Variants in BAG5 observed in about 807,000 individuals in gnomAD.
BAG5 encodes BAG family molecular chaperone regulator 5.
Under a neutral mutation model 31.8 loss-of-function variants are expected in BAG5, and 25 were observed. That is an observed-to-expected ratio of 0.79 (90% confidence interval 0.57 to 1.10). BAG5 has a LOEUF of 1.10. Among genes scored for constraint, BAG5 ranks in the 50% least tolerant of loss-of-function variants. BAG5 has a pLI of 0.00. For synonymous variants in BAG5, 208 were observed against 205.0 expected (o/e 1.01, Z -0.13); for missense variants, 491 against 527.9 (o/e 0.93, Z 0.68).
At chr14:103,561,973 G>A (rs1162754899) in intron 1 of BAG5, 5 of 1,613,860 alleles carry the variant, frequency 3.1e-6, no homozygotes, top group East Asian at 4.5e-5. Context: ...TCTATCAAAC[G>A]GCTCGCTCAA....
intron 1 of BAG5, 47 bp from the exon 2 acceptor site, chr14:103,561,239 C>A: frequency 6.6e-7 from 1 of 1,509,212 alleles, no homozygotes; most frequent in South Asian, 1.3e-5. Context: ...AAGGCTTCTG[C>A]AGAACACTAA....
In BAG5 at chr14:103,557,777, G is replaced by A. The variant is rs1437058212; in HGVS notation, c.*2044C>T. ...TGGGGGGCCGAGGCGGGCGGATCACGAGGTCAGGAGTTCGAGACCAGCCTG... is the reference window on the plus strand; with the variant it reads ...TGGGGGGCCGAGGCGGGCGGATCACAAGGTCAGGAGTTCGAGACCAGCCTG... On this transcript the variant is annotated 3_prime_UTR_variant, in exon 2 of 2. Coordinates refer to ENST00000299204, the MANE Select transcript of BAG5 (RefSeq NM_001015048.3). 2 of 152,198 alleles carry A rather than the reference G, an allele frequency of 1.3e-5. No individual in the cohort carries two copies. Among genetic ancestry groups the A allele is most frequent in the Admixed American group, 6.5e-5 (1 of 15,286 alleles). 9.4% of individuals were successfully genotyped at this position (152,198 alleles called of 1,614,324 possible).
intron 1 of BAG5, among the ~76,000 whole-genome samples, chr14:103,561,540 C>T (rs1020365178): frequency 2.6e-4 from 39 of 152,134 alleles, no homozygotes; most frequent in Non-Finnish European, 4.7e-4. Context: ...CTCTTGTAAC[C>T]TTCCGAACAC....
At chr14:103,561,872 C>A in intron 1 of BAG5, 1 of 1,486,186 alleles carries the variant, frequency 6.7e-7, no homozygotes, top group Non-Finnish European at 9.3e-7. Context: ...AAAAAAACAA[C>A]CCGCGAAAAC....
At chr14:103,562,135 C>T in intron 1 of BAG5, 2 of 682,878 alleles carry the variant, frequency 2.9e-6, no homozygotes, top group Admixed American at 2.2e-5. Flanking sequence ...GTCTTGGCGT[C>T]CCGTGGCTGA....
At chr14:103,561,952 A>G in intron 1 of BAG5, 6 of 1,613,900 alleles carry the variant, frequency 3.7e-6, no homozygotes, top group South Asian at 1.1e-5. Flanking sequence ...GCACGTTTCA[A>G]GCTCTTGGTT....
intron 1 of BAG5, chr14:103,562,008 A>C (rs1595129591): frequency 1.2e-6 from 2 of 1,610,400 alleles, no homozygotes; most frequent in African/African-American, 1.3e-5. Context: ...GGAAACGCAT[A>C]ATCTATCCCC....
rs904172118 is a variant in BAG5, at chr14:103,557,129, T to C, written c.*2692A>G. 3.3e-5 allele frequency: 5 copies of C among 152,268 alleles called. No homozygotes were observed. The highest frequency in any genetic ancestry group is 5.9e-5 in the Non-Finnish European group (4 of 68,054). 9.4% of individuals were successfully genotyped at this position (152,268 alleles called of 1,614,324 possible). ...CATGAACATGGACTACAGCGTTTAA[T>C]GCAGACCCAAAGCCACACATTTTTG... On this transcript the variant is annotated 3_prime_UTR_variant, in exon 2 of 2. Coordinates refer to ENST00000299204, the MANE Select transcript of BAG5 (RefSeq NM_001015048.3).
rs1354946977 is a variant in BAG5, at chr14:103,560,516, A to G, written c.649T>C (p.Ser217Pro). 1.9e-6 allele frequency: 3 copies of G among 1,614,030 alleles called. No individual in the cohort carries two copies. The highest frequency in any genetic ancestry group is 1.7e-5 in the Admixed American group (1 of 60,002). ...GCGATCAGCCCCGAGAGCACACAGGATAAGTGCCTGCAGGTCTCATTGTTG... is the reference window on the plus strand; with the variant it reads ...GCGATCAGCCCCGAGAGCACACAGGGTAAGTGCCTGCAGGTCTCATTGTTG... Reference protein sequence around the residue: ...VNNNETCRHLSCVLSGLIADL... With the variant: ...VNNNETCRHLPCVLSGLIADL... Residue 217 changes from serine (S) to proline (P), a missense_variant, in exon 2 of 2, where the codon TCC becomes CCC. Physicochemically the swap from Ser to Pro is moderately conservative, Grantham distance 74. Coordinates refer to ENST00000299204, the MANE Select transcript of BAG5 (RefSeq NM_001015048.3).
At position 103,560,655 on chromosome 14, in the gene BAG5, C is replaced by G; in HGVS notation, c.510G>C (p.Gln170His). 1 of 1,614,164 alleles carries G rather than the reference C, an allele frequency of 6.2e-7. No homozygotes were observed. Among genetic ancestry groups the G allele is most frequent in the Non-Finnish European group, 8.5e-7 (1 of 1,180,038 alleles). ...CATCCTCGGAAAGCGGCAGGGAAGG[C>G]TGCTTTTTCATGCAGTCTTCGATTA... is the stretch of plus-strand genomic sequence containing the variant. ...QEIIEDCMKKQPSLPLSEDAH... is the reference protein window; with the variant it reads ...QEIIEDCMKKHPSLPLSEDAH... The change falls in exon 2 of 2, where the codon CAG becomes CAC. Residue 170 changes from glutamine to histidine, a missense_variant. Gln to His is a conservative substitution (Grantham distance 24). Transcript: ENST00000299204.
chr14:103,560,967 T>C lies in BAG5; in HGVS notation c.198A>G (p.Gln66=). The C allele has an allele frequency of 6.2e-7, 1 of 1,614,234 alleles. No individual in the cohort carries two copies. The highest frequency in any genetic ancestry group is 8.5e-7 in the Non-Finnish European group (1 of 1,180,054). The part of the protein sequence containing the change: ...VDTEGKGDIQ[Q]ARKRAAQETE... The stretch of plus-strand genomic sequence containing the variant: ...TCTCCTGTGCTGCCCGCTTCCTAGC[T>C]TGCTGAATATCTCCTTTTCCTTCAG... The change falls in exon 2 of 2, where the codon CAA becomes CAG. Residue 66 remains glutamine, a synonymous_variant. Coordinates refer to ENST00000299204, the MANE Select transcript of BAG5 (RefSeq NM_001015048.3).
rs1177520964 is a variant in BAG5, at chr14:103,558,602, A to C, written c.*1219T>G. ...AAGAGAGATGCTTCACGCACGACTGACTTTAATGGCTCTTTCAGGCAACAG... is the reference window on the plus strand; with the variant it reads ...AAGAGAGATGCTTCACGCACGACTGCCTTTAATGGCTCTTTCAGGCAACAG... On this transcript the variant is annotated 3_prime_UTR_variant, in exon 2 of 2. Transcript: ENST00000299204. The C allele has an allele frequency of 1.3e-5, 2 of 152,214 alleles. No individual in the cohort carries two copies. Among genetic ancestry groups the C allele is most frequent in the Non-Finnish European group, 1.5e-5 (1 of 68,042 alleles). The allele number at this position is 152,214 out of a possible 1,614,324, so 9.4% of individuals were successfully genotyped here.
rs2076065138 is a variant in BAG5, at chr14:103,560,582, T to C, written c.583A>G (p.Lys195Glu). The C allele has an allele frequency of 1.2e-6, 2 of 1,614,106 alleles. No individual in the cohort carries two copies. Among genetic ancestry groups the C allele is most frequent in the Non-Finnish European group, 1.7e-6 (2 of 1,180,014 alleles). ...KINFVMCEVNKARGVLIALLM... is the reference protein window; with the variant it reads ...KINFVMCEVNEARGVLIALLM... Reference sequence around the variant, plus strand: ...AGTGCAATCAGGACCCCTCGGGCCTTGTTCACCTCACACATCACGAAGTTG... The same window carrying C: ...AGTGCAATCAGGACCCCTCGGGCCTCGTTCACCTCACACATCACGAAGTTG... The change falls in exon 2 of 2, where the codon AAG (lysine) becomes GAG (glutamate). Residue 195 changes from lysine to glutamate, a missense_variant. Transcript: ENST00000299204.
In BAG5 at chr14:103,559,753, G is replaced by T; in HGVS notation, c.*68C>A. ...ATATGCACGTATAAATCAATGAACTGAAAGCTCTCTATACATAGAAGCACA... is the reference window on the plus strand; with the variant it reads ...ATATGCACGTATAAATCAATGAACTTAAAGCTCTCTATACATAGAAGCACA... On this transcript the variant is annotated 3_prime_UTR_variant, in exon 2 of 2. Transcript: ENST00000299204. 6.6e-7 allele frequency: 1 copy of T among 1,518,160 alleles called. No homozygotes were observed. Among genetic ancestry groups the T allele is most frequent in the Non-Finnish European group, 8.8e-7 (1 of 1,131,538 alleles). The allele number at this position is 1,518,160 out of a possible 1,614,324, so 94.0% of individuals were successfully genotyped here. A position where few individuals can be genotyped will look rare whatever the true frequency, so the allele number is the denominator to read the frequency against.
At chr14:103,562,020 G>C (rs1487682294) in intron 1 of BAG5, 3 of 1,599,808 alleles carry the variant, frequency 1.9e-6, no homozygotes, top group Non-Finnish European at 2.6e-6. Context: ...TCTATCCCCG[G>C]CGGATGTCCT....
chr14:103,559,647 C>CTGTA lies in BAG5; in HGVS notation c.*170_*173dup. 2.8e-6 allele frequency: 2 copies of CTGTA among 716,072 alleles called. No individual in the cohort carries two copies. Among genetic ancestry groups the CTGTA allele is most frequent in the Non-Finnish European group, 4.5e-6 (2 of 448,000 alleles). The allele number at this position is 716,072 out of a possible 1,614,324, so 44.4% of individuals were successfully genotyped here. ...TGATCCGAATGGAAAAGTTAACGTG[C>CTGTA]TGTAATGATATTTGTCTTGCAACAT... is the stretch of plus-strand genomic sequence containing the variant. On this transcript the variant is annotated 3_prime_UTR_variant, in exon 2 of 2. Coordinates refer to ENST00000299204, the MANE Select transcript of BAG5 (RefSeq NM_001015048.3).
In BAG5 at chr14:103,558,924, G is replaced by A. The variant is rs1348311056; in HGVS notation, c.*897C>T. On this transcript the variant is annotated 3_prime_UTR_variant, in exon 2 of 2. Coordinates refer to ENST00000299204, the MANE Select transcript of BAG5 (RefSeq NM_001015048.3). ...ATTATGTGCTACATTCAGACTTTCT[G>A]ATTTAGTTTTAGTATAACCTGACAT... 3 of 151,968 alleles carry A rather than the reference G, an allele frequency of 2.0e-5. No individual in the cohort carries two copies. Among genetic ancestry groups the A allele is most frequent in the Non-Finnish European group, 4.4e-5 (3 of 68,016 alleles). The allele number at this position is 151,968 out of a possible 1,614,324, so 9.4% of individuals were successfully genotyped here. A position where few individuals can be genotyped will look rare whatever the true frequency, so the allele number is the denominator to read the frequency against.
Position 103,561,028 on chromosome 14 carries a change from A to G in BAG5, c.137T>C (p.Leu46Pro). The G allele has an allele frequency of 6.2e-7, 1 of 1,613,868 alleles. No individual in the cohort carries two copies. The highest frequency in any genetic ancestry group is 8.5e-7 in the Non-Finnish European group (1 of 1,180,034). Residue 46 changes from leucine (L) to proline (P), a missense_variant, in exon 2 of 2, where the codon CTA becomes CCA. Physicochemically the swap from Leu to Pro is moderately conservative, Grantham distance 98. Coordinates refer to ENST00000299204, the MANE Select transcript of BAG5 (RefSeq NM_001015048.3). ...GTCTATTTCAAAAAGCTGTTTTGTT[A>G]GAATCCTCTCCAGTTTCTTGTAATT... ...DKNYKKLERI[L>P]TKQLFEIDSV... is the part of the protein sequence containing the mutation.
chr14:103,561,963 T>C, intron 1 of BAG5: 1 of 1,614,046 alleles, frequency 6.2e-7, no homozygotes, highest in Non-Finnish European at 8.5e-7. Flanking sequence ...GCTCTTGGTT[T>C]CTATCAAACG....
Sources: allele counts gnomAD v4.1 joint callset (sites outside exome capture counted in the v4.1 genomes callset), GRCh38; gene constraint gnomAD v4.1.1; transcripts MANE v1.5; gene names NCBI Gene and HGNC (gene_info 2026-07-23, HGNC 2026-07-21).